The following MACF1 variants were observed in gnomAD, a reference collection of about 807,000 sequenced individuals.
MACF1 encodes the protein microtubule actin crosslinking factor 1, also known as microtubule-actin cross-linking factor 1.
A neutral mutation model predicts 854.8 loss-of-function variants in MACF1; 193 were observed. That is an observed-to-expected ratio of 0.23 (90% CI 0.20 to 0.25). The LOEUF is 0.25. Ranked by LOEUF, MACF1 falls within the 10% of genes least tolerant of loss-of-function variation. The pLI, the probability that MACF1 is intolerant of heterozygous loss-of-function variation, is 1.00. For missense variants in MACF1, 7,722 were observed against 8,929.1 expected, an observed-to-expected ratio of 0.86 and a Z score of 5.45; for synonymous variants, 3,185 against 3,226.7, an observed-to-expected ratio of 0.99 and a Z score of 0.44.
chr1:39,265,323 G>A (rs1645218512), intron 6 of MACF1, among the ~76,000 whole-genome samples: 1 of 152,060 alleles, frequency 6.6e-6, no homozygotes, highest in African/African-American at 2.4e-5. Context: ...CCTGTGGGCA[G>A]TAAACAGTTA....
intron 58 of MACF1, chr1:39,411,970 A>AG: frequency 6.2e-7 from 1 of 1,613,944 alleles, no homozygotes. Context: ...CACTGTTAGC[A>AG]AGGAGGAATG....
intron 15 of MACF1, among the ~76,000 whole-genome samples, chr1:39,291,308 G>C (rs1385660830): frequency 2.0e-5 from 3 of 148,092 alleles, no homozygotes; most frequent in Non-Finnish European, 4.6e-5. Flanking sequence ...CAAGGCTACT[G>C]TATTCCGCAG....
chr1:39,333,580 T>C lies in MACF1; in HGVS notation c.6992T>C (p.Met2331Thr). The C allele has an allele frequency of 6.2e-6, 10 of 1,614,240 alleles. No individual in the cohort carries two copies. Among genetic ancestry groups the C allele is most frequent in the Non-Finnish European group, 8.5e-6 (10 of 1,180,030 alleles). ...GTGAAGCTTATGGAGAAGCTGAACATGTTTCAGGGGTTCTTTGACTCTCAG... is the reference window on the plus strand; with the variant it reads ...GTGAAGCTTATGGAGAAGCTGAACACGTTTCAGGGGTTCTTTGACTCTCAG... ...TAVKLMEKLN[M>T]FQGFFDSQTC... The change falls in exon 37 of 101, where the codon ATG becomes ACG. Residue 2331 changes from methionine (M) to threonine (T), a missense_variant. Physicochemically the swap from Met to Thr is moderately conservative, Grantham distance 81. Around this residue, in one of 15 missense-constraint regions of MACF1, gnomAD observed 1,531 missense variants for 1,601.6 expected, o/e 0.96. Transcript: ENST00000564288.
At chr1:39,465,040 G>A in intron 94 of MACF1, 55 bp from the exon 95 acceptor site, 3 of 1,512,726 alleles carry the variant, frequency 2.0e-6, no homozygotes, top group South Asian at 1.1e-5. Context: ...TTGACAAAAT[G>A]TTCTCTTTTT....
At position 39,442,426 on chromosome 1, in the gene MACF1, G is replaced by T; in HGVS notation, c.18963G>T (p.Gly6321=). The T allele has an allele frequency of 6.2e-7, 1 of 1,613,796 alleles. No individual in the cohort carries two copies. The highest frequency in any genetic ancestry group is 1.1e-5 in the South Asian group (1 of 90,974). ...KIAHRQHKLE[G]ALLALGQFQH... ...TTCCTGAGTAGCACAAACTAGAAGG[G>T]GCTCTGTTGGCCCTTGGTCAGTTCC... Residue 6321 remains glycine, a synonymous_variant, in exon 77 of 101, where the codon GGG becomes GGT. Transcript: ENST00000564288.
At chr1:39,253,509 A>ATTTTTTTTTTTTTTTTTTT in intron 4 of MACF1, among the ~76,000 whole-genome samples, 1 of 91,520 alleles carries the variant, frequency 1.1e-5, no homozygotes, top group Non-Finnish European at 2.0e-5. Flanking sequence ...AGCTATCTGT[A>ATTTTTTTTTTTTTTTTTTT]TTTTTTTTTT....
At chr1:39,114,283 T>A (rs1642491380) in intron 2 of MACF1, among the ~76,000 whole-genome samples, 1 of 152,018 alleles carries the variant, frequency 6.6e-6, no homozygotes, top group African/African-American at 2.4e-5. Context: ...GGTGGTCTAG[T>A]GGCTAGGATT....
chr1:39,302,194 T>C lies in MACF1; in HGVS notation c.2635-730T>C, dbSNP rs1171126226. ...GTTATTTTTTGTAGAGATGAGGTTT[T>C]ACTATGTTGCCTAGGCTGGTCTTGA... On this transcript the variant is annotated intron_variant, in intron 22 of 100. Coordinates refer to ENST00000564288, the MANE Select transcript of MACF1 (RefSeq NM_001394062.1). 2.6e-5 allele frequency among the ~76,000 whole-genome samples: 4 copies of C among 152,078 alleles called. No individual in the cohort carries two copies. The East Asian group carries it at 7.7e-4, about 29-fold the overall frequency.
rs144780103 is a variant in MACF1, at chr1:39,121,969, C to T, written c.220+37531C>T. Among the ~76,000 whole-genome samples the T allele has an allele frequency of 1.2e-3, 184 of 152,178 alleles. 1 individual carries two copies. Among genetic ancestry groups the T allele is most frequent in the African/African-American group, 4.4e-3 (182 of 41,532 alleles). ...AATTTTGGATTTGTGGTCTGGGTTG[C>T]TTTAAGATTCCCAGATCAGACTACT... is the stretch of plus-strand genomic sequence containing the variant. On this transcript the variant is annotated intron_variant, in intron 2 of 93. Transcript: ENST00000361689.
intron 26 of MACF1, among the ~76,000 whole-genome samples, chr1:39,312,083 A>T (rs1426308633): frequency 2.6e-5 from 4 of 152,066 alleles, no homozygotes; most frequent in Non-Finnish European, 5.9e-5. Flanking sequence ...GAAAAATAGA[A>T]CTCACTAAGA....
chr1:39,329,816 C>T (rs751612571), intron 36 of MACF1, among the ~76,000 whole-genome samples: 1 of 152,158 alleles, frequency 6.6e-6, no homozygotes. Flanking sequence ...CTAGGATTTG[C>T]AAGGGTAATT....
chr1:39,412,688 T>C lies in MACF1; in HGVS notation c.15817-9686T>C, dbSNP rs777490522. 1.5e-5 allele frequency: 24 copies of C among 1,613,860 alleles called. No homozygotes were observed. In the Admixed American group the frequency reaches 2.0e-4, roughly 13 times the overall value. ...AGAGATTCAGATTCATTCCTAAATA[T>C]TTTTCCAGAGAAACAAGTTACCAAG... On this transcript the variant is annotated intron_variant, in intron 58 of 100. Transcript: ENST00000564288.
intron 41 of MACF1, among the ~76,000 whole-genome samples, chr1:39,347,475 A>G (rs771698863): frequency 2.0e-5 from 3 of 152,120 alleles, no homozygotes; most frequent in Non-Finnish European, 4.4e-5. Flanking sequence ...TTTTAGTGAG[A>G]CTTTTCCTTC....
chr1:39,311,119 G>A, intron 26 of MACF1, 119 bp downstream of exon 26: 1 of 1,117,134 alleles, frequency 9.0e-7, no homozygotes, highest in Non-Finnish European at 1.3e-6. Flanking sequence ...TCCTTCTCAG[G>A]AGTTCTTCTT....
At chr1:39,242,282 G>A (rs375206791) in intron 2 of MACF1, among the ~76,000 whole-genome samples, 13 of 151,522 alleles carry the variant, frequency 8.6e-5, no homozygotes, top group African/African-American at 2.4e-4. Flanking sequence ...TCCAGGAGGC[G>A]GATACTGTAA....
chr1:39,462,076 G>T, intron 93 of MACF1, 39 bp downstream of exon 93: 2 of 1,603,144 alleles, frequency 1.2e-6, no homozygotes, highest in Non-Finnish European at 1.7e-6. Flanking sequence ...ACTTCTGGCT[G>T]TAGGTTTGTA....
chr1:39,357,322 A>T, intron 44 of MACF1, 53 bp from the exon 45 acceptor site: 1 of 1,567,500 alleles, frequency 6.4e-7, no homozygotes, highest in South Asian at 1.2e-5. Context: ...ACCTCAAATT[A>T]TTGTGGATTG....
chr1:39,453,785 T>A lies in MACF1; in HGVS notation c.20821T>A (p.Cys6941Ser). The change falls in exon 88 of 101, where the codon TGC (cysteine) becomes AGC (serine). Residue 6941 changes from cysteine (C) to serine (S), a missense_variant. Cys to Ser is a moderately radical substitution (Grantham distance 112, BLOSUM62 -1). Transcript: ENST00000564288. Reference protein sequence around the residue: ...VAMGEVILAVCHPDCITTIKH... With the variant: ...VAMGEVILAVSHPDCITTIKH... ...CATGGGAGAAGTCATCCTGGCTGTC[T>A]GCCACCCCGATTGCATCACAACCAT... 6.2e-7 allele frequency: 1 copy of A among 1,614,218 alleles called. No individual in the cohort carries two copies. The highest frequency in any genetic ancestry group is 8.5e-7 in the Non-Finnish European group (1 of 1,180,018).
At chr1:39,254,788 C>G (rs947289241) in intron 5 of MACF1, 6 of 187,282 alleles carry the variant, frequency 3.2e-5, no homozygotes, top group Non-Finnish European at 6.6e-5. Flanking sequence ...CACATCAGAT[C>G]TGAGAAAAAG....
Sources: gnomAD v4.1 joint callset for allele counts (sites outside exome capture counted in the v4.1 genomes callset) on GRCh38, gnomAD v4.1.1 for gene constraint, gnomAD v4.1.1 regional missense constraint, MANE v1.5 for transcripts, NCBI Gene and HGNC (gene_info 2026-07-23, HGNC 2026-07-21) for gene names.